Variants in CXXC1 observed in about 807,000 individuals in gnomAD.
The protein encoded by CXXC1 is CXXC-type zinc finger protein 1.
A neutral mutation model predicts 83.6 loss-of-function variants in CXXC1; 21 were observed. The observed-to-expected ratio is 0.25, with a 90% CI of 0.18 to 0.36. The LOEUF (loss-of-function observed/expected upper bound fraction) is 0.36. Among genes scored for constraint, CXXC1 ranks in the 10% least tolerant of loss-of-function variants. The pLI is 1.00. For synonymous variants in CXXC1, 371 were observed against 337.5 expected, an observed-to-expected ratio of 1.10 and a Z score of -1.09; for missense variants, 688 against 919.5, an observed-to-expected ratio of 0.75 and a Z score of 3.26.
intron 9 of CXXC1, 56 bp from the exon 10 acceptor site, chr18:50,284,157 G>A (rs1275890062): frequency 6.4e-7 from 1 of 1,554,654 alleles, no homozygotes; most frequent in Non-Finnish European, 8.8e-7. Context: ...AGTGAGAATG[G>A]CAAAATAGAC....
rs776625488 is a variant in CXXC1, at chr18:50,284,849, G to A, written c.913-10C>T. 2.6e-5 allele frequency: 42 copies of A among 1,613,906 alleles called. No homozygotes were observed. The highest frequency in any genetic ancestry group is 3.4e-5 in the Non-Finnish European group (40 of 1,180,002). On this transcript the variant is annotated splice_polypyrimidine_tract_variant and intron_variant, in intron 7 of 14. Transcript: ENST00000285106. ...TGTCGCTCATCCAGGGCTGCAAGCAGGGCATGCACTGACCCACCTGCCCCG... is the reference window on the plus strand; with the variant it reads ...TGTCGCTCATCCAGGGCTGCAAGCAAGGCATGCACTGACCCACCTGCCCCG...
Position 50,282,763 on chromosome 18 carries a change from C to A in CXXC1, c.1825-24G>T, listed in dbSNP as rs376645271. 5.0e-5 allele frequency: 80 copies of A among 1,612,496 alleles called. No homozygotes were observed. The highest frequency in any genetic ancestry group is 1.6e-4 in the Middle Eastern group (1 of 6,078). On this transcript the variant is annotated intron_variant, in intron 14 of 14. Transcript: ENST00000285106. This position sits in a 1 kb window ranked among gnomAD's most constrained non-coding sequence, Gnocchi z 5.8. ...CACTGCCAAGGGAGCGGCAGGAGTCCTAAGCAGGAACACCTGCAGCCCCGC... is the reference window on the plus strand; with the variant it reads ...CACTGCCAAGGGAGCGGCAGGAGTCATAAGCAGGAACACCTGCAGCCCCGC...
Position 50,287,649 on chromosome 18 carries a change from AC to A in CXXC1, c.-61del. 6.2e-7 allele frequency: 1 copy of A among 1,601,370 alleles called. No individual in the cohort carries two copies. The highest frequency in any genetic ancestry group is 1.1e-5 in the South Asian group (1 of 90,692). On this transcript the variant is annotated 5_prime_UTR_variant, in exon 1 of 15. Coordinates refer to ENST00000285106, the MANE Select transcript of CXXC1 (RefSeq NM_014593.4). ...GCCAGCGACCCGCGAACCTGCACAG[AC>A]CACTCGGCGGCGTCCCAGGCGGTTG...
intron 9 of CXXC1, 53 bp downstream of exon 9, chr18:50,284,325 C>G: frequency 6.6e-7 from 1 of 1,515,772 alleles, no homozygotes; most frequent in South Asian, 1.3e-5. Flanking sequence ...AGGCTGTGGT[C>G]AGGCCCTACC....
rs974730143 is a variant in CXXC1 at position 50,287,612 on chromosome 18, C to T, written c.-23G>A. The T allele has an allele frequency of 1.2e-6, 2 of 1,610,530 alleles. No homozygotes were observed. The highest frequency in any genetic ancestry group is 1.7e-6 in the Non-Finnish European group (2 of 1,179,822). ...CATATCTCCGCTCCCGGCGCACTCC[C>T]TCACGACCCCCGCCAGCGACCCGCG... is the stretch of plus-strand genomic sequence containing the variant. On this transcript the variant is annotated 5_prime_UTR_variant, in exon 1 of 15. Transcript: ENST00000285106.
Position 50,282,392 on chromosome 18 carries a change from A to G in CXXC1, c.*201T>C, listed in dbSNP as rs2040483556. The stretch of plus-strand genomic sequence containing the variant: ...TTAACAAAACCCAGGGAGAGGAGGC[A>G]AGGATGAGTGGACTCCGCAGCCCCA... On this transcript the variant is annotated 3_prime_UTR_variant, in exon 15 of 15. Coordinates refer to ENST00000285106, the MANE Select transcript of CXXC1 (RefSeq NM_014593.4). The surrounding 1 kb of genome is among the most constrained non-coding windows in gnomAD (Gnocchi z 5.8). 1.1e-5 allele frequency: 7 copies of G among 651,652 alleles called. No homozygotes were observed. In the Admixed American group the frequency reaches 1.9e-4, roughly 17 times the overall value. The allele number at this position is 651,652 out of a possible 1,614,324, so 40.4% of individuals were successfully genotyped here. A position where few individuals can be genotyped will look rare whatever the true frequency, so the allele number is the denominator to read the frequency against.
chr18:50,286,549 C>G lies in CXXC1; in HGVS notation c.213G>C (p.Arg71=), dbSNP rs751528346. The change falls in exon 3 of 15, where the codon CGG becomes CGC. Residue 71 remains arginine (R), a synonymous_variant. Coordinates refer to ENST00000285106, the MANE Select transcript of CXXC1 (RefSeq NM_014593.4). ...ATCCATGGCCCTCACCTCTGCACTC[C>G]CGACAGTACCACTCCCGGATGGCCT... The part of the protein sequence containing the change: ...MAKAIREWYC[R]ECREKDPKLE... The G allele has an allele frequency of 6.2e-7, 1 of 1,614,096 alleles. No individual in the cohort carries two copies. Among genetic ancestry groups the G allele is most frequent in the Non-Finnish European group, 8.5e-7 (1 of 1,179,936 alleles).
At chr18:50,287,505 A>G in intron 1 of CXXC1, 82 bp downstream of exon 1, 1 of 1,527,518 alleles carries the variant, frequency 6.5e-7, no homozygotes, top group Non-Finnish European at 9.0e-7. Context: ...CTCACCACAG[A>G]CCCCTGAGTC....
rs1326104103 is a variant in CXXC1, at chr18:50,286,014, C to A, written c.459+8G>T. The A allele has an allele frequency of 3.1e-6, 5 of 1,613,696 alleles. No individual in the cohort carries two copies. The South Asian group carries it at 4.4e-5, about 14-fold the overall frequency. ...TTACACATCCATTCACTTTATGCAG[C>A]CACTCACCTGGCTGGGTGTGGCCAC... is the stretch of plus-strand genomic sequence containing the variant. On this transcript the variant is annotated splice_region_variant and intron_variant, in intron 4 of 14. Coordinates refer to ENST00000285106, the MANE Select transcript of CXXC1 (RefSeq NM_014593.4).
intron 3 of CXXC1, 44 bp from the exon 4 acceptor site, chr18:50,286,301 G>A: frequency 6.6e-7 from 1 of 1,513,874 alleles, no homozygotes; most frequent in South Asian, 1.2e-5. Context: ...GCACTGGATG[G>A]CTTGAATGGT....
At chr18:50,283,416 C>T in intron 12 of CXXC1, 55 bp from the exon 13 acceptor site, 1 of 1,602,144 alleles carries the variant, frequency 6.2e-7, no homozygotes. Context: ...GTCCATCTGT[C>T]CTGGCTGGTT....
Position 50,285,164 on chromosome 18 carries a change from C to T in CXXC1, c.750G>A (p.Lys250=), listed in dbSNP as rs775785279. 1 of 1,614,240 alleles carries T rather than the reference C, an allele frequency of 6.2e-7. No individual in the cohort carries two copies. Among genetic ancestry groups the T allele is most frequent in the South Asian group, 1.1e-5 (1 of 91,086 alleles). Residue 250 remains lysine, a synonymous_variant, in exon 7 of 15, where the codon AAG becomes AAA. Transcript: ENST00000285106. This position sits in a 1 kb window ranked among gnomAD's most constrained non-coding sequence, Gnocchi z 4.4. ...CCTCATCTTCACGGATGCGCCCTAA[C>T]TTCTGTGATGGCTGTGGCTGCTGTT... ...PTQQQPQPSQ[K]LGRIREDEGA...
At chr18:50,287,517 GCCGACAGACCCCACTGTTGCCAACCGA>G in intron 1 of CXXC1, 43 bp downstream of exon 1, 1 of 1,585,906 alleles carries the variant, frequency 6.3e-7, no homozygotes, top group South Asian at 1.1e-5. Context: ...CCCTGAGTCG[GCCGACAGACCCCACTGTTGCCAACCGA>G]CCGACCTCCA....
chr18:50,284,777 C>T lies in CXXC1; in HGVS notation c.975G>A (p.Val325=), dbSNP rs751726104. 1.6e-5 allele frequency: 26 copies of T among 1,614,082 alleles called. No individual in the cohort carries two copies. The highest frequency in any genetic ancestry group is 6.7e-5 in the East Asian group (3 of 44,886). The change falls in exon 8 of 15, where the codon GTG becomes GTA. Residue 325 remains valine, a synonymous_variant. Coordinates refer to ENST00000285106, the MANE Select transcript of CXXC1 (RefSeq NM_014593.4). The part of the protein sequence containing the change: ...FLDPALRKRA[V]KVKHVKRREK... ...CCCGACGCTTCACATGCTTCACTTT[C>T]ACTGCCCTCTTCCGCAGCGCGGGGT...
In CXXC1 at chr18:50,286,268, G is replaced by A. The variant is rs1437541818; in HGVS notation, c.224-11C>T. On this transcript the variant is annotated splice_polypyrimidine_tract_variant and intron_variant, in intron 3 of 14. Transcript: ENST00000285106. ...GCTTGGGGTCTTTCTCTGTGGGGCA[G>A]AGAGTAGGGCCAAAGTGAGTGAGCA... is the stretch of plus-strand genomic sequence containing the variant. The A allele has an allele frequency of 1.3e-6, 2 of 1,592,400 alleles. No individual in the cohort carries two copies. The highest frequency in any genetic ancestry group is 1.7e-6 in the Non-Finnish European group (2 of 1,170,996).
At position 50,285,477 on chromosome 18, in the gene CXXC1, G is replaced by A; in HGVS notation, c.640-126C>T. On this transcript the variant is annotated intron_variant, in intron 5 of 14. Coordinates refer to ENST00000285106, the MANE Select transcript of CXXC1 (RefSeq NM_014593.4). The surrounding 1 kb of genome is among the most constrained non-coding windows in gnomAD (Gnocchi z 4.4). ...CCTCCCCGCTACCCCTCATTGCCAG[G>A]AATGCTCAGCCCTGCCTGATCTGTA... is the stretch of plus-strand genomic sequence containing the variant. 1 of 1,223,162 alleles carries A rather than the reference G, an allele frequency of 8.2e-7. No homozygotes were observed. The highest frequency in any genetic ancestry group is 1.1e-6 in the Non-Finnish European group (1 of 886,956). The allele number at this position is 1,223,162 out of a possible 1,614,324, so 75.8% of individuals were successfully genotyped here.
At position 50,284,546 on chromosome 18, in the gene CXXC1, T is replaced by C. The variant is rs2040682170; in HGVS notation, c.1037A>G (p.Lys346Arg). The C allele has an allele frequency of 1.3e-6, 2 of 1,589,058 alleles. No homozygotes were observed. The highest frequency in any genetic ancestry group is 1.7e-6 in the Non-Finnish European group (2 of 1,166,454). ...KSEKKKEERY[K>R]RHRQKQKHKD... is the part of the protein sequence containing the mutation. ...GTGCTTCTGCTTCTGCCGATGCCGC[T>C]TGTATCGCTCCTCCTTCTGTTGAGC... The change falls in exon 9 of 15, where the codon AAG (lysine) becomes AGG (arginine). Residue 346 changes from lysine to arginine, a missense_variant. Lys to Arg is a conservative substitution (Grantham distance 26). Around this residue, in one of 9 missense-constraint regions of CXXC1, gnomAD observed 190 missense variants for 199.7 expected, o/e 0.95. Coordinates refer to ENST00000285106, the MANE Select transcript of CXXC1 (RefSeq NM_014593.4).
chr18:50,287,201 A>G, intron 1 of CXXC1: 1 of 495,886 alleles, frequency 2.0e-6, no homozygotes, highest in East Asian at 3.4e-5. Context: ...CTCCCTGTTT[A>G]TCTCATAGAC....
chr18:50,284,645 G>A (rs1330254103), intron 8 of CXXC1, 83 bp from the exon 9 acceptor site: 1 of 1,606,304 alleles, frequency 6.2e-7, no homozygotes, highest in Non-Finnish European at 8.5e-7. Flanking sequence ...AGCCCTTTCT[G>A]GCTCTTGCCC....
Sources: gnomAD v4.1 joint callset for allele counts on GRCh38, gnomAD v4.1.1 for gene constraint, gnomAD v4.1.1 regional missense constraint, Gnocchi (gnomAD v3.1) non-coding constraint, MANE v1.5 for transcripts, NCBI Gene and HGNC (gene_info 2026-07-23, HGNC 2026-07-21) for gene names.